PHACTR1: variants seen among roughly 807,000 people sequenced by gnomAD.
PHACTR1 encodes the protein RPEL repeat containing 1.
PHACTR1 carries 16 observed loss-of-function variants against 69.2 expected under a neutral mutation model. That is an observed-to-expected ratio of 0.23 (90% CI 0.16 to 0.35). The LOEUF (loss-of-function observed/expected upper bound fraction) is 0.35. Ranked by LOEUF, PHACTR1 falls within the 10% of genes least tolerant of loss-of-function variation. The pLI is 1.00. For synonymous variants in PHACTR1, 312 were observed against 284.5 expected (o/e 1.10, Z -0.97); for missense variants, 510 against 734.7 (o/e 0.69, Z 3.54).
At chr6:12,759,401 G>T (rs1340211599) in intron 4 of PHACTR1, among the ~76,000 whole-genome samples, 1 of 150,840 alleles carries the variant, frequency 6.6e-6, no homozygotes, top group Non-Finnish European at 1.5e-5. Flanking sequence ...CTTAATTGGT[G>T]GATTTCTCGG....
At chr6:13,220,484 C>T (rs878881100) in intron 8 of PHACTR1, among the ~76,000 whole-genome samples, 14 of 152,142 alleles carry the variant, frequency 9.2e-5, no homozygotes, top group African/African-American at 3.1e-4. Context: ...AGCAGCCTAA[C>T]TTTGGACAGT....
intron 10 of PHACTR1, among the ~76,000 whole-genome samples, chr6:13,271,644 A>G (rs1777749901): frequency 6.6e-6 from 1 of 152,038 alleles, no homozygotes; most frequent in Admixed American, 6.5e-5. Flanking sequence ...AATTACTTAT[A>G]TCTAATACAA....
intron 7 of PHACTR1, among the ~76,000 whole-genome samples, chr6:13,184,291 C>T (rs1308042445): frequency 2.0e-5 from 3 of 152,186 alleles, no homozygotes; most frequent in Non-Finnish European, 2.9e-5. Flanking sequence ...AGAGCGGACC[C>T]AGTGGACAAA....
intron 5 of PHACTR1, among the ~76,000 whole-genome samples, chr6:13,116,436 A>C (rs1230674533): frequency 6.6e-6 from 1 of 152,188 alleles, no homozygotes; most frequent in African/African-American, 2.4e-5. Flanking sequence ...AGTAGCCAAC[A>C]TTTGTTGAGC....
At chr6:12,887,719 C>A (rs1236816383) in intron 4 of PHACTR1, among the ~76,000 whole-genome samples, 1 of 152,120 alleles carries the variant, frequency 6.6e-6, no homozygotes, top group Non-Finnish European at 1.5e-5. Context: ...TCTCAGGAAG[C>A]ATATTGTTAT....
intron 4 of PHACTR1, among the ~76,000 whole-genome samples, chr6:12,890,707 C>G (rs1784092469): frequency 6.6e-6 from 1 of 152,154 alleles, no homozygotes; most frequent in Non-Finnish European, 1.5e-5. Context: ...AGTGTTTACT[C>G]AGATCTCCCC....
rs749872831 is a variant in PHACTR1 at position 12,720,687 on chromosome 6, C to T, written c.103+1840C>T. Among the ~76,000 whole-genome samples, 15 of 152,342 alleles carry T rather than the reference C, an allele frequency of 9.8e-5. No individual in the cohort carries two copies. The South Asian group carries it at 3.1e-3, about 32-fold the overall frequency. Reference sequence around the variant, plus strand: ...TGCAGGAGGGGCGGGGGTTCCCGCACACATTGTCTAGGTCAGTGTTTCAAA... The same window carrying T: ...TGCAGGAGGGGCGGGGGTTCCCGCATACATTGTCTAGGTCAGTGTTTCAAA... On this transcript the variant is annotated intron_variant, in intron 3 of 14. Transcript: ENST00000332995.
intron 4 of PHACTR1, among the ~76,000 whole-genome samples, chr6:12,823,881 G>A (rs1406710117): frequency 6.6e-6 from 1 of 152,136 alleles, no homozygotes; most frequent in Non-Finnish European, 1.5e-5. Flanking sequence ...TTTGGGGTGT[G>A]ACCACATATT....
intron 4 of PHACTR1, among the ~76,000 whole-genome samples, chr6:12,941,633 G>C (rs187269883): frequency 6.6e-6 from 1 of 152,080 alleles, no homozygotes; most frequent in Non-Finnish European, 1.5e-5. Context: ...AAACGTCCTT[G>C]AAGTGTAGCA....
intron 8 of PHACTR1, among the ~76,000 whole-genome samples, chr6:13,209,046 C>T (rs1233075270): frequency 2.6e-5 from 4 of 152,144 alleles, no homozygotes; most frequent in Admixed American, 2.6e-4. Context: ...GAGATTAATG[C>T]ATGCATCAGT....
At chr6:12,924,582 G>A (rs1788065688) in intron 4 of PHACTR1, among the ~76,000 whole-genome samples, 1 of 152,050 alleles carries the variant, frequency 6.6e-6, no homozygotes, top group African/African-American at 2.4e-5. Flanking sequence ...AGACCATCCT[G>A]GCTAACATGG....
chr6:12,839,965 AG>A (rs1324775375), intron 4 of PHACTR1, among the ~76,000 whole-genome samples: 2 of 152,066 alleles, frequency 1.3e-5, no homozygotes, highest in Non-Finnish European at 2.9e-5. Context: ...GCACCAATGT[AG>A]GGGAATTAGA....
intron 4 of PHACTR1, among the ~76,000 whole-genome samples, chr6:12,948,315 G>T (rs576955414): frequency 9.2e-5 from 14 of 152,134 alleles, no homozygotes; most frequent in Admixed American, 3.9e-4. Context: ...AAATATAGTT[G>T]GGTTGAAGGG....
At chr6:13,126,891 A>C (rs1819622865) in intron 5 of PHACTR1, among the ~76,000 whole-genome samples, 1 of 152,230 alleles carries the variant, frequency 6.6e-6, no homozygotes, top group African/African-American at 2.4e-5. Flanking sequence ...TTTTACCTCT[A>C]TTCTTTTCAA....
chr6:12,853,018 C>T (rs1779982933), intron 4 of PHACTR1, among the ~76,000 whole-genome samples: 1 of 152,158 alleles, frequency 6.6e-6, no homozygotes, highest in African/African-American at 2.4e-5. Flanking sequence ...TAGGTGCCTT[C>T]GCTCCTATGA....
chr6:13,156,975 C>A (rs1323787552), intron 5 of PHACTR1, among the ~76,000 whole-genome samples: 1 of 152,200 alleles, frequency 6.6e-6, no homozygotes, highest in Non-Finnish European at 1.5e-5. Flanking sequence ...TGGCCTCTTT[C>A]CAATCCATTC....
rs1255560744 is a variant in PHACTR1, at chr6:13,067,828, T to C, written c.415+14299T>C. Among the ~76,000 whole-genome samples the C allele has an allele frequency of 2.0e-5, 3 of 152,194 alleles. No individual in the cohort carries two copies. In the East Asian group the frequency reaches 5.8e-4, roughly 29 times the overall value. ...GGGGCTAGATAGGCACAGAAATATT[T>C]CTATAAAAAGATACAGGCTTTTTAT... On this transcript the variant is annotated intron_variant, in intron 5 of 14. Coordinates refer to ENST00000332995, the MANE Select transcript of PHACTR1 (RefSeq NM_030948.6).
At chr6:12,905,877 G>A (rs1164375285) in intron 4 of PHACTR1, among the ~76,000 whole-genome samples, 3 of 152,274 alleles carry the variant, frequency 2.0e-5, no homozygotes, top group East Asian at 1.9e-4. Context: ...AAATTTCCTG[G>A]GATGTATGTG....
chr6:13,023,803 A>C (rs1248081265), intron 4 of PHACTR1, among the ~76,000 whole-genome samples: 1 of 152,240 alleles, frequency 6.6e-6, no homozygotes, highest in Non-Finnish European at 1.5e-5. Flanking sequence ...GGGGTCGGGC[A>C]CAATGGCTCA....
Sources: gnomAD v4.1 joint callset for allele counts (sites outside exome capture counted in the v4.1 genomes callset) on GRCh38, gnomAD v4.1.1 for gene constraint, MANE v1.5 for transcripts, NCBI Gene and HGNC (gene_info 2026-07-23, HGNC 2026-07-21) for gene names.